The following DOT1L variants were observed in gnomAD, a reference collection of about 807,000 sequenced individuals.
DOT1L encodes histone-lysine N-methyltransferase, H3 lysine-79 specific.
A neutral mutation model predicts 153.3 loss-of-function variants in DOT1L; 33 were observed. The observed-to-expected ratio is 0.22, with a 90% CI of 0.16 to 0.29. The LOEUF (loss-of-function observed/expected upper bound fraction) is 0.29, where lower values mean the gene tolerates loss of function less well. Among genes scored for constraint, DOT1L ranks in the 10% least tolerant of loss-of-function variants. The probability of loss-of-function intolerance (pLI) is 1.00; values close to 1 mark genes in which losing one functional copy is unlikely to be tolerated. For missense variants in DOT1L, 1,847 were observed against 2,119.9 expected (o/e 0.87, Z 2.53); for synonymous variants, 1,135 against 965.1 (o/e 1.18, Z -3.26).
rs1222269746 is a variant in DOT1L, at chr19:2,193,743, A to G, written c.548A>G (p.Tyr183Cys). 4.3e-6 allele frequency: 7 copies of G among 1,613,978 alleles called. No individual in the cohort carries two copies. The highest frequency in any genetic ancestry group is 5.9e-6 in the Non-Finnish European group (7 of 1,179,986). The change falls in exon 6 of 28, where the codon TAT becomes TGT. Residue 183 changes from tyrosine to cysteine, a missense_variant. By Grantham distance (194) the Tyr-to-Cys change is radical. Around this residue, in one of 8 missense-constraint regions of DOT1L, gnomAD observed 148 missense variants for 422.3 expected, o/e 0.35. Transcript: ENST00000398665. The surrounding 1 kb of genome is among the most constrained non-coding windows in gnomAD (Gnocchi z 5.9). ...VAAATNCKHH[Y>C]GVEKADIPAK... ...GCTGCCACCAACTGCAAACATCACT[A>G]TGGCGTCGAGAAAGCAGACATCCCG...
At chr19:2,185,158 C>G (rs2022434371) in intron 2 of DOT1L, among the ~76,000 whole-genome samples, 2 of 152,160 alleles carry the variant, frequency 1.3e-5, no homozygotes, top group Admixed American at 1.3e-4. Flanking sequence ...CCCACCTCGG[C>G]CTCCCAGAGT....
At chr19:2,227,658 T>C in intron 27 of DOT1L, 1 of 1,262,382 alleles carries the variant, frequency 7.9e-7, no homozygotes, top group Non-Finnish European at 1.0e-6. Flanking sequence ...CTTCCCTTTT[T>C]GTGAGCCTGC....
intron 1 of DOT1L, among the ~76,000 whole-genome samples, chr19:2,168,130 T>TC (rs1568323550): frequency 6.6e-6 from 1 of 151,734 alleles, no homozygotes; most frequent in Non-Finnish European, 1.5e-5. Flanking sequence ...GCCAATATTC[T>TC]CCCCCCGCCA....
chr19:2,192,573 T>C (rs1366077163), intron 5 of DOT1L, among the ~76,000 whole-genome samples: 1 of 149,704 alleles, frequency 6.7e-6, no homozygotes, highest in African/African-American at 2.5e-5. Context: ...CTTGGGAGGC[T>C]GAGGCAGGGG....
chr19:2,216,781 G>A lies in DOT1L; in HGVS notation c.2408+16G>A, dbSNP rs1452816576. ...TGCATTCGAGGTGAGTGCCCTGGTG[G>A]GGCTGGGGGTCTGCAGCTGGTACCT... On this transcript the variant is annotated intron_variant, in intron 20 of 27. Coordinates refer to ENST00000398665, the MANE Select transcript of DOT1L (RefSeq NM_032482.3). 6.3e-7 allele frequency: 1 copy of A among 1,577,098 alleles called. No individual in the cohort carries two copies. Among genetic ancestry groups the A allele is most frequent in the East Asian group, 2.3e-5 (1 of 44,438 alleles).
chr19:2,223,681 C>T (rs1307339984), intron 25 of DOT1L, among the ~76,000 whole-genome samples, 195 bp downstream of exon 25: 22 of 152,158 alleles, frequency 1.4e-4, no homozygotes, highest in Admixed American at 1.4e-3. Context: ...GGCCGGCCTC[C>T]CGGGCCATTC....
intron 1 of DOT1L, among the ~76,000 whole-genome samples, chr19:2,168,542 G>C (rs1251464227): frequency 6.6e-6 from 1 of 152,154 alleles, no homozygotes; most frequent in African/African-American, 2.4e-5. Context: ...CAAACGCAAG[G>C]GGGAGGAAGG....
intron 27 of DOT1L, 149 bp from the exon 28 acceptor site, chr19:2,229,636 A>T (rs1205617010): frequency 6.3e-7 from 1 of 1,581,168 alleles, no homozygotes; most frequent in African/African-American, 1.3e-5. Flanking sequence ...TGTTGTGGTT[A>T]GAGGAGCTGG....
At chr19:2,192,746 G>C (rs2022851902) in intron 5 of DOT1L, among the ~76,000 whole-genome samples, 2 of 152,074 alleles carry the variant, frequency 1.3e-5, no homozygotes, top group Non-Finnish European at 2.9e-5. Context: ...CAATGCTTTG[G>C]AAGGCTGAGG....
chr19:2,193,579 C>CTG lies in DOT1L; in HGVS notation c.494-107_494-106dup. 1 of 987,416 alleles carries CTG rather than the reference C, an allele frequency of 1.0e-6. No individual in the cohort carries two copies. 61.2% of individuals were successfully genotyped at this position (987,416 alleles called of 1,614,324 possible). ...ATATGTGTGGAGACTGTGGCCTCCCCTGTGGGTCTTCATGGCCGCATTCTT... is the reference window on the plus strand; with the variant it reads ...ATATGTGTGGAGACTGTGGCCTCCCCTGTGTGGGTCTTCATGGCCGCATTCTT... On this transcript the variant is annotated intron_variant, in intron 5 of 27. Coordinates refer to ENST00000398665, the MANE Select transcript of DOT1L (RefSeq NM_032482.3). The surrounding 1 kb of genome is among the most constrained non-coding windows in gnomAD (Gnocchi z 5.9).
intron 1 of DOT1L, among the ~76,000 whole-genome samples, chr19:2,170,887 GACCTGTCCCCCTCCAGGAGTCTCCTGGA>G (rs899337107): frequency 6.6e-5 from 10 of 152,012 alleles, no homozygotes; most frequent in African/African-American, 2.4e-4. Context: ...TGTCTCCCGG[GACCTGTCCCCCTCCAGGAGTCTCCTGGA>G]ACCTGTCCCC....
chr19:2,228,915 C>T, intron 27 of DOT1L: 1 of 985,434 alleles, frequency 1.0e-6, no homozygotes, highest in Non-Finnish European at 1.2e-6. Context: ...CATAGGGAGC[C>T]AGTGAAGCCC....
intron 1 of DOT1L, among the ~76,000 whole-genome samples, chr19:2,178,279 A>G (rs1187897790): frequency 1.5e-5 from 2 of 131,092 alleles, no homozygotes; most frequent in Non-Finnish European, 3.2e-5. Context: ...GCGTTTCACC[A>G]TGTCTTTGGG....
At chr19:2,224,462 C>CTTTTT (rs553480656) in intron 25 of DOT1L, among the ~76,000 whole-genome samples, 1 of 130,314 alleles carries the variant, frequency 7.7e-6, no homozygotes, top group African/African-American at 2.8e-5. Context: ...GGGTTTTTTG[C>CTTTTT]TTTTTTTTTT....
chr19:2,213,468 G>A, intron 16 of DOT1L, 71 bp from the exon 17 acceptor site: 2 of 1,472,818 alleles, frequency 1.4e-6, no homozygotes, highest in East Asian at 4.5e-5. Flanking sequence ...GAGAGGCAGG[G>A]CGTGGGCCCT....
chr19:2,175,291 G>C (rs2021871151), intron 1 of DOT1L, among the ~76,000 whole-genome samples: 1 of 151,984 alleles, frequency 6.6e-6, no homozygotes, highest in Non-Finnish European at 1.5e-5. Flanking sequence ...GTGAGCCATG[G>C]CGCCTGGCCG....
chr19:2,227,725 T>C (rs2024412200), intron 27 of DOT1L: 2 of 1,310,872 alleles, frequency 1.5e-6, no homozygotes, highest in Non-Finnish European at 2.0e-6. Flanking sequence ...CGTTTTTCTC[T>C]CCTATTTGCA....
rs538640151 is a variant in DOT1L, at chr19:2,223,489, G to A, written c.3596+3G>A. On this transcript the variant is annotated splice_donor_region_variant and intron_variant, in intron 25 of 27. Transcript: ENST00000398665. The stretch of plus-strand genomic sequence containing the variant: ...GAGGACGAGCCCAGCAGTGCTCGGC[G>A]AGTCCAGGGGCCCGGAGGGGGGCGG... The A allele has an allele frequency of 8.8e-5, 142 of 1,607,088 alleles. 2 individuals carry two copies. The South Asian group carries it at 1.5e-3, about 17-fold the overall frequency.
In DOT1L at chr19:2,227,015, C is replaced by T. The variant is rs747864306; in HGVS notation, c.4494C>T (p.Phe1498=). 5.7e-6 allele frequency: 9 copies of T among 1,589,054 alleles called. No homozygotes were observed. The highest frequency in any genetic ancestry group is 4.5e-5 in the East Asian group (2 of 44,328). The change falls in exon 27 of 28, where the codon TTC becomes TTT. Residue 1498 remains phenylalanine, a synonymous_variant. Transcript: ENST00000398665. The stretch of plus-strand genomic sequence containing the variant: ...GCTCCTCCGTGCTGCAGTCGCTGTT[C>T]AGCTCTGTGCCGGCCGCCGCAGGCC... ...VAGSSVLQSL[F]SSVPAAAGLV...
Sources: allele counts gnomAD v4.1 joint callset (sites outside exome capture counted in the v4.1 genomes callset), GRCh38; gene constraint gnomAD v4.1.1; regional missense constraint gnomAD v4.1.1; non-coding constraint Gnocchi (gnomAD v3.1); transcripts MANE v1.5; gene names NCBI Gene and HGNC (gene_info 2026-07-23, HGNC 2026-07-21).